PTPRD: variants seen among roughly 807,000 people sequenced by gnomAD.
PTPRD encodes receptor-type tyrosine-protein phosphatase delta.
A neutral mutation model predicts 214.5 loss-of-function variants in PTPRD; 34 were observed. The ratio of observed to expected loss-of-function variants is 0.16; its 90% CI spans 0.12 to 0.21. PTPRD has a LOEUF of 0.21. PTPRD is among the 10% of genes least tolerant of loss of function. The pLI, the probability that PTPRD is intolerant of heterozygous loss-of-function variation, is 1.00. For missense variants in PTPRD, 2,545 were observed against 2,398.7 expected (o/e 1.06, Z -1.27); for synonymous variants, 1,128 against 845.7 (o/e 1.33, Z -5.79).
intron 2 of PTPRD, among the ~76,000 whole-genome samples, chr9:10,434,175 T>G (rs2098701951): frequency 6.6e-6 from 1 of 151,840 alleles, no homozygotes; most frequent in African/African-American, 2.4e-5. Context: ...TAGTTGACTC[T>G]CTAGCCTTCA....
intron 3 of PTPRD, among the ~76,000 whole-genome samples, chr9:10,199,057 C>A (rs77276512): frequency 6.8e-6 from 1 of 146,458 alleles, no homozygotes; most frequent in Non-Finnish European, 1.5e-5. Context: ...TTTCCAAATT[C>A]TTTTTTTTTT....
At chr9:9,853,869 A>G (rs1365330063) in intron 5 of PTPRD, among the ~76,000 whole-genome samples, 1 of 152,182 alleles carries the variant, frequency 6.6e-6, no homozygotes, top group Admixed American at 6.5e-5. Context: ...TATTTTTAAA[A>G]TGAATAACAC....
intron 12 of PTPRD, chr9:8,700,513 G>A (rs773920948): frequency 6.6e-6 from 1 of 152,174 alleles, no homozygotes; most frequent in African/African-American, 2.4e-5. Flanking sequence ...ATTATGATGT[G>A]CTTTTATTAT....
At chr9:9,943,121 G>A (rs936871705) in intron 4 of PTPRD, among the ~76,000 whole-genome samples, 3 of 152,020 alleles carry the variant, frequency 2.0e-5, no homozygotes, top group Non-Finnish European at 4.4e-5. Flanking sequence ...CAATATCGTA[G>A]TACAATCAAA....
intron 5 of PTPRD, among the ~76,000 whole-genome samples, chr9:9,822,939 C>T (rs2051301270): frequency 6.6e-6 from 1 of 152,064 alleles, no homozygotes; most frequent in African/African-American, 2.4e-5. Flanking sequence ...ATAGTACTAC[C>T]ATTTATTCCA....
chr9:8,341,404 G>T, intron 40 of PTPRD, 136 bp from the exon 41 acceptor site: 1 of 975,204 alleles, frequency 1.0e-6, no homozygotes, highest in Non-Finnish European at 1.5e-6. Flanking sequence ...TATTCAAATT[G>T]TACTGCTTTT....
intron 3 of PTPRD, among the ~76,000 whole-genome samples, chr9:10,141,222 T>C (rs1415936484): frequency 6.6e-5 from 10 of 151,998 alleles, no homozygotes; most frequent in African/African-American, 2.4e-4. Flanking sequence ...ACCACTCCTA[T>C]TCAACATAGT....
chr9:9,768,137 A>C (rs1565114994), intron 5 of PTPRD, among the ~76,000 whole-genome samples: 1 of 152,000 alleles, frequency 6.6e-6, no homozygotes, highest in Non-Finnish European at 1.5e-5. Flanking sequence ...TTGATGGCCA[A>C]AACTAGTCTT....
At chr9:9,527,384 G>C (rs1395398514) in intron 8 of PTPRD, among the ~76,000 whole-genome samples, 1 of 152,168 alleles carries the variant, frequency 6.6e-6, no homozygotes, top group African/African-American at 2.4e-5. Flanking sequence ...ACCATGTGAA[G>C]CGTGGGCACT....
Position 9,231,178 on chromosome 9 carries a change from T to C in PTPRD, c.-202-47815A>G, listed in dbSNP as rs950192674. On this transcript the variant is annotated intron_variant, in intron 9 of 45. Coordinates refer to ENST00000381196, the MANE Select transcript of PTPRD (RefSeq NM_002839.4). ...CTACTATTGGTGAGAAAATTAGTTTTTAAAAGATAGTCTCAGTACAGTTGT... is the reference window on the plus strand; with the variant it reads ...CTACTATTGGTGAGAAAATTAGTTTCTAAAAGATAGTCTCAGTACAGTTGT... Among the ~76,000 whole-genome samples, 9 of 152,266 alleles carry C rather than the reference T, an allele frequency of 5.9e-5. No individual in the cohort carries two copies. The East Asian group carries it at 1.5e-3, about 26-fold the overall frequency.
chr9:9,543,358 G>T (rs1248776550), intron 8 of PTPRD, among the ~76,000 whole-genome samples: 1 of 151,574 alleles, frequency 6.6e-6, no homozygotes, highest in African/African-American at 2.4e-5. Context: ...GGATGCAAAT[G>T]TTCTATAATT....
rs537917672 is a variant in PTPRD, at chr9:10,212,042, A to G, written c.-545+128921T>C. 2.6e-5 allele frequency among the ~76,000 whole-genome samples: 4 copies of G among 152,248 alleles called. No individual in the cohort carries two copies. In the South Asian group the frequency reaches 6.2e-4, roughly 24 times the overall value. On this transcript the variant is annotated intron_variant, in intron 3 of 45. Transcript: ENST00000381196. ...GAGTAGATGTTGTTTAGGAAGACTA[A>G]ATATGACTTGGAGAACAGTAACCAG...
At position 8,940,858 on chromosome 9, in the gene PTPRD, T is replaced by TGATGATGAC. The variant is rs200583946; in HGVS notation, c.-104+77838_-104+77839insGTCATCATC. 6.6e-5 allele frequency among the ~76,000 whole-genome samples: 10 copies of TGATGATGAC among 151,668 alleles called. No individual in the cohort carries two copies. The East Asian group carries it at 7.8e-4, about 12-fold the overall frequency. On this transcript the variant is annotated intron_variant, in intron 11 of 45. Transcript: ENST00000381196. ...ATGATGATGATGATGATGATGATGA[T>TGATGATGAC]GTTCACAAGGCCAACCATACCTTTC...
chr9:9,261,737 G>A (rs4626664), intron 9 of PTPRD, among the ~76,000 whole-genome samples: 30,302 of 151,442 alleles, frequency 0.2, 3,383 homozygotes, highest in East Asian at 0.4. Context: ...CAATTTTGAA[G>A]AGCTTGAGTA....
intron 11 of PTPRD, among the ~76,000 whole-genome samples, chr9:8,746,378 A>G (rs1241843274): frequency 1.3e-5 from 2 of 152,238 alleles, no homozygotes; most frequent in East Asian, 3.8e-4. Context: ...CAATAAAAGC[A>G]CTATGCATTT....
intron 11 of PTPRD, among the ~76,000 whole-genome samples, chr9:8,798,305 A>G (rs1445984932): frequency 2.0e-5 from 3 of 152,172 alleles, no homozygotes; most frequent in Non-Finnish European, 4.4e-5. Flanking sequence ...GCAACTCTTT[A>G]AGAAATAATC....
At chr9:9,602,065 T>C (rs2093812144) in intron 7 of PTPRD, among the ~76,000 whole-genome samples, 1 of 152,126 alleles carries the variant, frequency 6.6e-6, no homozygotes, top group Non-Finnish European at 1.5e-5. Flanking sequence ...ATCAGACTCT[T>C]GATGGAATCA....
At chr9:9,233,351 C>A (rs1003583251) in intron 9 of PTPRD, among the ~76,000 whole-genome samples, 4 of 152,162 alleles carry the variant, frequency 2.6e-5, no homozygotes, top group Non-Finnish European at 5.9e-5. Flanking sequence ...ATTCAATTAC[C>A]TCCCAACAGG....
rs1412086833 is a variant in PTPRD at position 8,939,391 on chromosome 9, A to T, written c.-104+79306T>A. Among the ~76,000 whole-genome samples the T allele has an allele frequency of 6.8e-5, 10 of 146,766 alleles. No homozygotes were observed. In the East Asian group the frequency reaches 2.0e-3, roughly 29 times the overall value. On this transcript the variant is annotated intron_variant, in intron 11 of 45. Transcript: ENST00000381196. Reference sequence around the variant, plus strand: ...AAGTACATAAAACATACAGACAGACAGATGCATACTCTTAACTTCATTTTG... The same window carrying T: ...AAGTACATAAAACATACAGACAGACTGATGCATACTCTTAACTTCATTTTG...
Sources: allele counts gnomAD v4.1 joint callset (sites outside exome capture counted in the v4.1 genomes callset), GRCh38; gene constraint gnomAD v4.1.1; transcripts MANE v1.5; gene names NCBI Gene and HGNC (gene_info 2026-07-23, HGNC 2026-07-21).